MME: variants seen among roughly 807,000 people sequenced by gnomAD.
MME encodes neprilysin.
MME carries 98 observed loss-of-function variants against 113.2 expected under a neutral mutation model. The ratio of observed to expected loss-of-function variants is 0.87; its 90% CI spans 0.74 to 1.02. The LOEUF (loss-of-function observed/expected upper bound fraction) is 1.02, where lower values mean the gene tolerates loss of function less well. Among genes scored for constraint, MME ranks in the 50% least tolerant of loss-of-function variants. MME has a pLI of 0.00. For missense variants in MME, 836 were observed against 896.0 expected, an observed-to-expected ratio of 0.93 and a Z score of 0.86; for synonymous variants, 292 against 300.6, an observed-to-expected ratio of 0.97 and a Z score of 0.30.
At chr3:155,155,029 G>T (rs778865145) in intron 16 of MME, among the ~76,000 whole-genome samples, 1 of 152,094 alleles carries the variant, frequency 6.6e-6, no homozygotes, top group Non-Finnish European at 1.5e-5. Flanking sequence ...AGATTTTTAC[G>T]TTTTATGCTT....
rs148040689 is a variant in MME, at chr3:155,180,439, A to G, written c.2233A>G (p.Lys745Glu). Residue 745 changes from lysine (K) to glutamate (E), a missense_variant, in exon 23 of 23, where the codon AAG becomes GAG. By Grantham distance (56) the Lys-to-Glu change is moderately conservative. Coordinates refer to ENST00000360490, the MANE Select transcript of MME (RefSeq NM_007289.4). ...CAAGAATTCATACATGAATCCAGAA[A>G]AGAAGTGCCGGGTTTGGTGATCTTC... ...CRKNSYMNPE[K>E]KCRVW 1.6e-4 allele frequency: 254 copies of G among 1,613,258 alleles called. No homozygotes were observed. The highest frequency in any genetic ancestry group is 2.1e-4 in the Non-Finnish European group (246 of 1,179,456).
At chr3:155,071,988 C>T (rs918575818) in intron 1 of MME, among the ~76,000 whole-genome samples, 3 of 151,638 alleles carry the variant, frequency 2.0e-5, no homozygotes, top group African/African-American at 4.9e-5. Flanking sequence ...GGTGAAACCC[C>T]GTCTCTACTA....
At position 155,082,286 on chromosome 3, in the gene MME, A is replaced by C. The variant is rs76306495; in HGVS notation, c.-11+1820A>C. 8.9e-3 allele frequency among the ~76,000 whole-genome samples: 1,358 copies of C among 152,316 alleles called. 28 individuals carry two copies. The highest frequency in any genetic ancestry group is 0.06 in the South Asian group (291 of 4,818). On this transcript the variant is annotated intron_variant, in intron 1 of 22. Transcript: ENST00000360490. ...AAAAAAGTCCTTTTATACCAGTAAA[A>C]CATTTCTCTACATTGTCTTCTGACA...
chr3:155,180,652 A>T lies in MME; in HGVS notation c.*193A>T. ...GGTGTGGAGGGAGGAAGGGGGTCTAAGGTCTATCAAGTCAATCATTTCTCA... is the reference window on the plus strand; with the variant it reads ...GGTGTGGAGGGAGGAAGGGGGTCTATGGTCTATCAAGTCAATCATTTCTCA... On this transcript the variant is annotated 3_prime_UTR_variant, in exon 23 of 23. Coordinates refer to ENST00000360490, the MANE Select transcript of MME (RefSeq NM_007289.4). 1 of 597,646 alleles carries T rather than the reference A, an allele frequency of 1.7e-6. No individual in the cohort carries two copies. Among genetic ancestry groups the T allele is most frequent in the Non-Finnish European group, 3.1e-6 (1 of 327,702 alleles). 37.0% of individuals were successfully genotyped at this position (597,646 alleles called of 1,614,324 possible).
chr3:155,050,013 T>C (rs1467261945), intron 1 of MME, among the ~76,000 whole-genome samples: 2 of 152,114 alleles, frequency 1.3e-5, no homozygotes, highest in Non-Finnish European at 2.9e-5. Context: ...GACCCCAGTA[T>C]CTAGCATTCT....
Position 155,163,762 on chromosome 3 carries a change from A to C in MME, c.1661-3140A>C, listed in dbSNP as rs374052421. 3.9e-5 allele frequency among the ~76,000 whole-genome samples: 6 copies of C among 152,246 alleles called. No homozygotes were observed. The South Asian group carries it at 1.2e-3, about 32-fold the overall frequency. On this transcript the variant is annotated intron_variant, in intron 17 of 22. Transcript: ENST00000360490. Reference sequence around the variant, plus strand: ...TACCTTGAGATAGTTAAATTTTCTAAATTGCCTTATTTATTCTTAGGAGTT... The same window carrying C: ...TACCTTGAGATAGTTAAATTTTCTACATTGCCTTATTTATTCTTAGGAGTT...
chr3:155,085,042 T>A lies in MME; in HGVS notation c.161-17T>A. The A allele has an allele frequency of 6.4e-7, 1 of 1,566,256 alleles. No homozygotes were observed. The highest frequency in any genetic ancestry group is 1.7e-5 in the Admixed American group (1 of 58,384). ...TTTGTGTTGCCAATATTTATGTATATTCTCTCCTTTTTCTAGATGGTATTT... is the reference window on the plus strand; with the variant it reads ...TTTGTGTTGCCAATATTTATGTATAATCTCTCCTTTTTCTAGATGGTATTT... On this transcript the variant is annotated splice_polypyrimidine_tract_variant and intron_variant, in intron 2 of 22. Transcript: ENST00000360490.
chr3:155,163,439 G>A (rs138602523), intron 17 of MME, among the ~76,000 whole-genome samples: 11 of 152,212 alleles, frequency 7.2e-5, no homozygotes, highest in Middle Eastern at 3.4e-3. Context: ...AAGAAAGAAG[G>A]CAAACTAAAA....
At chr3:155,029,128 A>G (rs1391260820) in intron 1 of MME, among the ~76,000 whole-genome samples, 1 of 152,190 alleles carries the variant, frequency 6.6e-6, no homozygotes, top group Non-Finnish European at 1.5e-5. Flanking sequence ...AAATTTTTGC[A>G]GTTCATGCAA....
At chr3:155,113,196 C>G (rs1438133571) in intron 3 of MME, among the ~76,000 whole-genome samples, 5 of 152,118 alleles carry the variant, frequency 3.3e-5, no homozygotes, top group African/African-American at 1.2e-4. Flanking sequence ...CTGGTTGGAA[C>G]AGAGTTTGCA....
chr3:155,048,988 A>AT (rs546827009), intron 1 of MME, among the ~76,000 whole-genome samples: 70 of 152,130 alleles, frequency 4.6e-4, no homozygotes, highest in African/African-American at 1.6e-3. Flanking sequence ...TAACTTATTC[A>AT]TTAGTTCTGT....
At chr3:155,126,860 G>A (rs964778817) in intron 8 of MME, among the ~76,000 whole-genome samples, 2 of 151,910 alleles carry the variant, frequency 1.3e-5, no homozygotes, top group Non-Finnish European at 2.9e-5. Context: ...TTAGCCGGGC[G>A]TGGTTCTGCA....
Position 155,116,654 on chromosome 3 carries a change from T to TTG in MME, c.440-9_440-8insGT. On this transcript the variant is annotated splice_polypyrimidine_tract_variant and intron_variant, in intron 5 of 22. Transcript: ENST00000360490. The stretch of plus-strand genomic sequence containing the variant: ...TTTCTAATTGAATTTATGTTTGTTG[T>TTG]TTCCAAAAGCTGCTATTGATAGCAG... The TTG allele has an allele frequency of 2.5e-6, 4 of 1,608,720 alleles. No individual in the cohort carries two copies. The highest frequency in any genetic ancestry group is 3.4e-6 in the Non-Finnish European group (4 of 1,176,862).
At chr3:155,047,806 T>G (rs73874476) in intron 1 of MME, among the ~76,000 whole-genome samples, 14,714 of 152,168 alleles carry the variant, frequency 0.097, 1,173 homozygotes, top group African/African-American at 0.22. Context: ...GGTTTCTGTT[T>G]TAAGTATCTG....
At chr3:155,041,536 AG>A (rs1713320323) in intron 1 of MME, among the ~76,000 whole-genome samples, 1 of 152,184 alleles carries the variant, frequency 6.6e-6, no homozygotes, top group Non-Finnish European at 1.5e-5. Context: ...TTTTTCCATA[AG>A]ATTAATAAAG....
chr3:155,124,677 C>A (rs992438602), intron 8 of MME, among the ~76,000 whole-genome samples: 4 of 150,978 alleles, frequency 2.6e-5, no homozygotes, highest in Non-Finnish European at 4.4e-5. Context: ...AATACCCTGC[C>A]GTGTGAGGTG....
At chr3:155,145,296 G>A (rs1721418338) in intron 14 of MME, among the ~76,000 whole-genome samples, 1 of 152,130 alleles carries the variant, frequency 6.6e-6, no homozygotes, top group South Asian at 2.1e-4. Context: ...CATTTCCAAA[G>A]TGGTGTCACA....
intron 18 of MME, among the ~76,000 whole-genome samples, 154 bp from the exon 19 acceptor site, chr3:155,168,338 T>A (rs758098060): frequency 2.0e-5 from 3 of 152,196 alleles, no homozygotes; most frequent in Non-Finnish European, 4.4e-5. Flanking sequence ...CTTTGCCAAC[T>A]CTGTGATGAG....
At chr3:155,084,963 G>C in intron 2 of MME, 96 bp from the exon 3 acceptor site, 1 of 754,612 alleles carries the variant, frequency 1.3e-6, no homozygotes, top group South Asian at 1.8e-5. Context: ...TTAAGAAATT[G>C]CTTATTTAAT....
Sources: allele counts gnomAD v4.1 joint callset (sites outside exome capture counted in the v4.1 genomes callset), GRCh38; gene constraint gnomAD v4.1.1; transcripts MANE v1.5; gene names NCBI Gene and HGNC (gene_info 2026-07-23, HGNC 2026-07-21).